Variants in DEGS2 observed in about 807,000 individuals in gnomAD.
DEGS2 encodes the protein delta 4-desaturase, sphingolipid 2.
DEGS2 carries 19 observed loss-of-function variants against 23.8 expected under a neutral mutation model. The observed-to-expected ratio is 0.80, with a 90% CI of 0.56 to 1.17. The LOEUF is 1.17. DEGS2 is among the 50% of genes most tolerant of loss of function. The pLI is 0.00. For synonymous variants in DEGS2, 218 were observed against 213.7 expected (o/e 1.02, Z -0.18); for missense variants, 390 against 459.5 (o/e 0.85, Z 1.38).
In DEGS2 at chr14:100,149,637, C is replaced by CAGCACA; in HGVS notation, c.155_156insTGTGCT (p.Leu52_Val53dup). 6.2e-7 allele frequency: 1 copy of CAGCACA among 1,608,862 alleles called. No individual in the cohort carries two copies. Among genetic ancestry groups the CAGCACA allele is most frequent in the Non-Finnish European group, 8.5e-7 (1 of 1,177,028 alleles). On this transcript the variant is annotated inframe_insertion, in exon 2 of 3. Transcript: ENST00000305631. ...CCAGCCAGCAGGCCAGCATCTGCAC[C>CAGCACA]AGCACCAGCACCAGCACCGCCCACT...
rs1889412066 is a variant in DEGS2, at chr14:100,144,997, GCCTAGGCTTCA to G, written c.*1753_*1763del. ...GAGGCTCCACTCTCTGAGTGGCTTCGCCTAGGCTTCACCTAGGTCTGGTGGCACTTTTAACC... is the reference window on the plus strand; with the variant it reads ...GAGGCTCCACTCTCTGAGTGGCTTCGCCTAGGTCTGGTGGCACTTTTAACC... On this transcript the variant is annotated 3_prime_UTR_variant, in exon 3 of 3. Transcript: ENST00000305631. 6.6e-6 allele frequency: 1 copy of G among 152,260 alleles called. No individual in the cohort carries two copies. The highest frequency in any genetic ancestry group is 1.5e-5 in the Non-Finnish European group (1 of 68,078). 9.4% of individuals were successfully genotyped at this position (152,260 alleles called of 1,614,324 possible).
At chr14:100,163,466 A>T (rs1408911219), upstream of DEGS2, among the ~76,000 whole-genome samples, 1 of 152,070 alleles carries the variant, frequency 6.6e-6, no homozygotes, top group Non-Finnish European at 1.5e-5. Flanking sequence ...AAAATAAAAA[A>T]ATAAAAACCA....
chr14:100,152,035 A>AG (rs1184630703), intron 1 of DEGS2, among the ~76,000 whole-genome samples: 11 of 152,210 alleles, frequency 7.2e-5, no homozygotes, highest in Admixed American at 1.3e-4. Flanking sequence ...AACTGAAGCC[A>AG]GGGCTTGGAG....
chr14:100,149,442 A>G lies in DEGS2; in HGVS notation c.351T>C (p.Gly117=), dbSNP rs1889522697. 6.3e-7 allele frequency: 1 copy of G among 1,597,112 alleles called. No individual in the cohort carries two copies. Among genetic ancestry groups the G allele is most frequent in the South Asian group, 1.1e-5 (1 of 89,108 alleles). Residue 117 remains glycine (G), a synonymous_variant, in exon 2 of 3, where the codon GGT becomes GGC. Transcript: ENST00000305631. Reference sequence around the variant, plus strand: ...TCTTGAAGGAGGCGGCGTAGGGCACACCCACGGGCAGGTTGGCGAACACGG... The same window carrying G: ...TCTTGAAGGAGGCGGCGTAGGGCACGCCCACGGGCAGGTTGGCGAACACGG... The part of the protein sequence containing the change: ...WLAVFANLPV[G]VPYAASFKKY...
chr14:100,153,284 TAGATAGATA>T (rs1390281073), intron 1 of DEGS2, among the ~76,000 whole-genome samples: 2 of 150,066 alleles, frequency 1.3e-5, no homozygotes, highest in East Asian at 2.1e-4. Context: ...GATAGATAGA[TAGATAGATA>T]GATAGATAGA....
chr14:100,157,758 C>A (rs1889680617), intron 1 of DEGS2, among the ~76,000 whole-genome samples: 1 of 152,132 alleles, frequency 6.6e-6, no homozygotes, highest in Non-Finnish European at 1.5e-5. Flanking sequence ...GTCATGGTAT[C>A]TCAGTATGCT....
intron 1 of DEGS2, 52 bp from the exon 2 acceptor site, chr14:100,149,762 G>A (rs760191417): frequency 4.4e-5 from 67 of 1,519,980 alleles, no homozygotes; most frequent in Non-Finnish European, 5.3e-5. Context: ...GCTGCACCCC[G>A]CCCTCCTCCG....
intron 2 of DEGS2, 117 bp from the exon 3 acceptor site, chr14:100,147,024 C>T: frequency 6.4e-6 from 8 of 1,240,626 alleles, no homozygotes; most frequent in Non-Finnish European, 9.0e-6. Context: ...CATGTACGAA[C>T]ATGTTTGCGC....
At position 100,149,325 on chromosome 14, in the gene DEGS2, G is replaced by A. The variant is rs769486538; in HGVS notation, c.468C>T (p.Pro156=). The part of the protein sequence containing the change: ...TRLEGWFFCT[P]ARKLLWLVLQ... ...GCACCAGCCAGAGCAGCTTGCGGGC[G>A]GGTGTGCAGAAGAACCAGCCCTCCA... Residue 156 remains proline (P), a synonymous_variant, in exon 2 of 3, where the codon CCC becomes CCT. Coordinates refer to ENST00000305631, the MANE Select transcript of DEGS2 (RefSeq NM_206918.3). 1.7e-5 allele frequency: 27 copies of A among 1,608,054 alleles called. No homozygotes were observed. The highest frequency in any genetic ancestry group is 6.7e-5 in the East Asian group (3 of 44,856).
chr14:100,151,243 C>T (rs1310643815), intron 1 of DEGS2, among the ~76,000 whole-genome samples: 1 of 152,218 alleles, frequency 6.6e-6, no homozygotes, highest in Non-Finnish European at 1.5e-5. Flanking sequence ...TAGGCACAAG[C>T]TGGTACTATT....
intron 1 of DEGS2, 54 bp downstream of exon 1, chr14:100,159,451 TC>T: frequency 7.3e-7 from 1 of 1,377,896 alleles, no homozygotes; most frequent in Non-Finnish European, 9.5e-7. Context: ...ACGACGCGAC[TC>T]CAGACGGGCC....
upstream of DEGS2, among the ~76,000 whole-genome samples, chr14:100,164,242 T>G (rs939424873): frequency 2.0e-5 from 3 of 152,104 alleles, no homozygotes; most frequent in Non-Finnish European, 4.4e-5. Context: ...CGTCCTTGTC[T>G]ATCGTAACAG....
At chr14:100,153,171 G>C (rs903525153) in intron 1 of DEGS2, among the ~76,000 whole-genome samples, 1 of 151,998 alleles carries the variant, frequency 6.6e-6, no homozygotes, top group Admixed American at 6.6e-5. Flanking sequence ...TGGGAAGATC[G>C]CTTGAGCCCA....
At chr14:100,150,060 T>G (rs1889541204) in intron 1 of DEGS2, among the ~76,000 whole-genome samples, 1 of 152,194 alleles carries the variant, frequency 6.6e-6, no homozygotes. Context: ...ATGCCGTCTG[T>G]GTACTCAAGC....
intron 1 of DEGS2, among the ~76,000 whole-genome samples, chr14:100,154,247 T>G (rs920771849): frequency 6.6e-6 from 1 of 151,894 alleles, no homozygotes; most frequent in African/African-American, 2.4e-5. Context: ...CGCCTGTAGT[T>G]CCAGCTACTT....
chr14:100,163,494 G>C (rs748598703), upstream of DEGS2, among the ~76,000 whole-genome samples: 1 of 152,036 alleles, frequency 6.6e-6, no homozygotes, highest in Non-Finnish European at 1.5e-5. Context: ...CTATTGAAAC[G>C]GAGCCCGTGG....
chr14:100,150,501 A>T (rs1889552648), intron 1 of DEGS2, among the ~76,000 whole-genome samples: 1 of 151,142 alleles, frequency 6.6e-6, no homozygotes, highest in African/African-American at 2.4e-5. Flanking sequence ...CAGGTGAGCC[A>T]CAAGCAGGCA....
the DEGS2 span, among the ~76,000 whole-genome samples, chr14:100,165,214 A>G: frequency 1.3e-5 from 2 of 152,132 alleles, no homozygotes; most frequent in African/African-American, 4.8e-5. Flanking sequence ...AGGGCCAGGT[A>G]TCAGACAACT....
At chr14:100,161,437 G>A (rs1889745056), upstream of DEGS2, among the ~76,000 whole-genome samples, 1 of 152,162 alleles carries the variant, frequency 6.6e-6, no homozygotes, top group African/African-American at 2.4e-5. Flanking sequence ...AAGTCCCTGG[G>A]GAGCCAGAAA....
Sources: allele counts gnomAD v4.1 joint callset (sites outside exome capture counted in the v4.1 genomes callset), GRCh38; gene constraint gnomAD v4.1.1; transcripts MANE v1.5; gene names NCBI Gene and HGNC (gene_info 2026-07-23, HGNC 2026-07-21).